Variants in MMS22L observed in about 807,000 individuals in gnomAD.
MMS22L encodes the protein MMS22 like, DNA repair protein, also known as protein MMS22-like.
In MMS22L, 74 loss-of-function variants were observed where a neutral mutation model predicts 159.1. That is an observed-to-expected ratio of 0.47 (90% CI 0.39 to 0.56). The LOEUF (loss-of-function observed/expected upper bound fraction) is 0.56. Ranked by LOEUF, MMS22L falls within the 20% of genes least tolerant of loss-of-function variation. MMS22L has a pLI of 0.00. For synonymous variants in MMS22L, 517 were observed against 506.9 expected (o/e 1.02, Z -0.27); for missense variants, 1,351 against 1,422.1 (o/e 0.95, Z 0.80).
intron 21 of MMS22L, among the ~76,000 whole-genome samples, chr6:97,163,237 A>G (rs1156969606): frequency 6.6e-6 from 1 of 152,050 alleles, no homozygotes; most frequent in Non-Finnish European, 1.5e-5. Flanking sequence ...TCTGAAAGCA[A>G]GAGGCCCACC....
chr6:97,228,804 T>C (rs1810526806), intron 14 of MMS22L, 90 bp downstream of exon 14: 1 of 1,235,840 alleles, frequency 8.1e-7, no homozygotes, highest in Admixed American at 2.4e-5. Context: ...TGTGTATTTG[T>C]ATATATGCAT....
chr6:97,163,485 T>C (rs947535811), intron 21 of MMS22L, among the ~76,000 whole-genome samples: 1 of 152,082 alleles, frequency 6.6e-6, no homozygotes, highest in Non-Finnish European at 1.5e-5. Flanking sequence ...AAAAACATTT[T>C]CACTGTGTGT....
intron 24 of MMS22L, 26 bp from the exon 25 acceptor site, chr6:97,146,913 C>T: frequency 1.4e-6 from 2 of 1,392,884 alleles, no homozygotes; most frequent in East Asian, 5.0e-5. Flanking sequence ...GAAAAGAAAG[C>T]AAATATATTA....
chr6:97,242,151 T>C (rs973629640), intron 11 of MMS22L, among the ~76,000 whole-genome samples: 1 of 152,208 alleles, frequency 6.6e-6, no homozygotes, highest in Non-Finnish European at 1.5e-5. Context: ...ATTGTTTCTT[T>C]GTTGGCTTTC....
At chr6:97,156,623 T>A (rs569062754) in intron 22 of MMS22L, among the ~76,000 whole-genome samples, 1 of 152,304 alleles carries the variant, frequency 6.6e-6, no homozygotes, top group Non-Finnish European at 1.5e-5. Context: ...CAGATGGTTG[T>A]AGATGTGTGA....
chr6:97,227,692 A>C (rs567892644), intron 14 of MMS22L, among the ~76,000 whole-genome samples: 2 of 152,358 alleles, frequency 1.3e-5, no homozygotes, highest in South Asian at 4.1e-4. Flanking sequence ...AAACAGATGC[A>C]ACATTTGTAA....
chr6:97,161,961 G>A, intron 22 of MMS22L, 41 bp downstream of exon 22: 2 of 1,582,288 alleles, frequency 1.3e-6, no homozygotes, highest in Non-Finnish European at 8.6e-7. Flanking sequence ...TTCTTAACTT[G>A]TAAAAAGAAA....
chr6:97,194,513 A>G (rs1048819248), intron 14 of MMS22L, among the ~76,000 whole-genome samples: 3 of 152,204 alleles, frequency 2.0e-5, no homozygotes, highest in Admixed American at 2.0e-4. Flanking sequence ...TAGATCTGGC[A>G]TATATATTTT....
chr6:97,222,082 C>T (rs553471411), intron 14 of MMS22L, among the ~76,000 whole-genome samples: 7 of 152,146 alleles, frequency 4.6e-5, no homozygotes, highest in African/African-American at 1.7e-4. Context: ...TCCTCTTGTA[C>T]CTCCTTTTTT....
chr6:97,165,350 T>C lies in MMS22L; in HGVS notation c.3117A>G (p.Pro1039=), dbSNP rs370285065. 2.3e-5 allele frequency: 37 copies of C among 1,613,404 alleles called. No individual in the cohort carries two copies. In the African/African-American group the frequency reaches 4.4e-4, roughly 19 times the overall value. ...GATGTTGTCCAAGATCTGAAACATATGGTGAAGCTGGAAGAAATCGCCCAA... is the reference window on the plus strand; with the variant it reads ...GATGTTGTCCAAGATCTGAAACATACGGTGAAGCTGGAAGAAATCGCCCAA... ...QYIGRFLPAS[P]YVSDLGQHPV... is the part of the protein sequence containing the mutation. Residue 1039 remains proline (P), a synonymous_variant, in exon 21 of 25, where the codon CCA becomes CCG. Transcript: ENST00000683635.
At position 97,181,946 on chromosome 6, in the gene MMS22L, G is replaced by C; in HGVS notation, c.2342C>G (p.Pro781Arg). The C allele has an allele frequency of 6.2e-7, 1 of 1,613,248 alleles. No individual in the cohort carries two copies. The highest frequency in any genetic ancestry group is 8.5e-7 in the Non-Finnish European group (1 of 1,179,678). The change falls in exon 16 of 25, where the codon CCT (proline) becomes CGT (arginine). Residue 781 changes from proline to arginine, a missense_variant. Physicochemically the swap from Pro to Arg is moderately radical, Grantham distance 103. Transcript: ENST00000683635. ...ACTTAAATATCTTGCTACAACTTGAGGGCAGATGATATCATCCCAACCAAA... is the reference window on the plus strand; with the variant it reads ...ACTTAAATATCTTGCTACAACTTGACGGCAGATGATATCATCCCAACCAAA... ...QLFGWDDIICPQVVARYLSHV... is the reference protein window; with the variant it reads ...QLFGWDDIICRQVVARYLSHV...
chr6:97,277,909 GGC>G (rs1346602709), intron 4 of MMS22L, among the ~76,000 whole-genome samples: 1 of 152,082 alleles, frequency 6.6e-6, no homozygotes, highest in Admixed American at 6.6e-5. Flanking sequence ...TTGGTTGCTA[GGC>G]ATCAATAATG....
chr6:97,203,012 C>A (rs868262253), intron 14 of MMS22L, among the ~76,000 whole-genome samples: 2 of 152,034 alleles, frequency 1.3e-5, no homozygotes, highest in Middle Eastern at 3.2e-3. Context: ...TTGCTTTGTA[C>A]AAAAAGGATA....
intron 14 of MMS22L, among the ~76,000 whole-genome samples, chr6:97,210,642 T>C (rs766028439): frequency 1.3e-5 from 2 of 151,960 alleles, no homozygotes; most frequent in South Asian, 4.1e-4. Flanking sequence ...TATTAGTCTA[T>C]ATAGAAATCA....
intron 14 of MMS22L, among the ~76,000 whole-genome samples, chr6:97,192,297 C>T (rs539507733): frequency 1.5e-4 from 23 of 152,066 alleles, no homozygotes; most frequent in African/African-American, 5.3e-4. Flanking sequence ...TGATGCTTAC[C>T]GTCACATATA....
intron 14 of MMS22L, among the ~76,000 whole-genome samples, chr6:97,209,127 AC>A (rs1808102038): frequency 6.6e-6 from 1 of 151,366 alleles, no homozygotes; most frequent in African/African-American, 2.4e-5. Flanking sequence ...CTTTCTTTCC[AC>A]CCTTTTTCTT....
Position 97,146,900 on chromosome 6 carries a change from AAAG to A in MMS22L, c.3651-16_3651-14del, listed in dbSNP as rs771203597. On this transcript the variant is annotated splice_polypyrimidine_tract_variant and intron_variant, in intron 24 of 24. Coordinates refer to ENST00000683635, the MANE Select transcript of MMS22L (RefSeq NM_001350599.2). ...GCTATAGGCTTCCCTGTTTAAGAAAAAAGAAAAGAAAGCAAATATATTAACATT... is the reference window on the plus strand; with the variant it reads ...GCTATAGGCTTCCCTGTTTAAGAAAAAAAAGAAAGCAAATATATTAACATT... 38 of 1,481,516 alleles carry A rather than the reference AAAG, an allele frequency of 2.6e-5. No homozygotes were observed. The highest frequency in any genetic ancestry group is 3.3e-5 in the Non-Finnish European group (36 of 1,097,544). 91.8% of individuals were successfully genotyped at this position (1,481,516 alleles called of 1,614,324 possible).
intron 9 of MMS22L, among the ~76,000 whole-genome samples, chr6:97,258,180 C>T (rs949066306): frequency 2.6e-5 from 4 of 152,130 alleles, no homozygotes; most frequent in Admixed American, 1.3e-4. Flanking sequence ...TATTTGTCAA[C>T]CTAAAATTCT....
chr6:97,250,326 G>A (rs947458900), intron 10 of MMS22L, among the ~76,000 whole-genome samples: 1 of 152,102 alleles, frequency 6.6e-6, no homozygotes, highest in Non-Finnish European at 1.5e-5. Flanking sequence ...CAGCAGACTA[G>A]GTAGTCTGGT....
Sources: gnomAD v4.1 joint callset for allele counts (sites outside exome capture counted in the v4.1 genomes callset) on GRCh38, gnomAD v4.1.1 for gene constraint, MANE v1.5 for transcripts, NCBI Gene and HGNC (gene_info 2026-07-23, HGNC 2026-07-21) for gene names.